MRPL33: variants seen among roughly 807,000 people sequenced by gnomAD.
MRPL33 encodes the protein large ribosomal subunit protein bL33m.
Under a neutral mutation model 10.1 loss-of-function variants are expected in MRPL33, and 5 were observed. The observed-to-expected ratio is 0.49, with a 90% CI of 0.26 to 1.04. The LOEUF (loss-of-function observed/expected upper bound fraction) is 1.04, where lower values mean the gene tolerates loss of function less well. MRPL33 is among the 50% of genes least tolerant of loss of function. The pLI, the probability that MRPL33 is intolerant of heterozygous loss-of-function variation, is 0.14. For missense variants in MRPL33, 79 were observed against 78.1 expected, an observed-to-expected ratio of 1.01 and a Z score of -0.04; for synonymous variants, 24 against 27.7, an observed-to-expected ratio of 0.87 and a Z score of 0.42.
In MRPL33 at chr2:27,774,478, C is replaced by G; in HGVS notation, c.96C>G (p.Thr32=). Residue 32 remains threonine, a synonymous_variant, in exon 3 of 4, where the codon ACC becomes ACG. Coordinates refer to ENST00000296102, the MANE Select transcript of MRPL33 (RefSeq NM_004891.4). ...SEAGTGFCFN[T]KRNRLREKLT... ...CTGGGACAGGTTTCTGCTTCAACAC[C>G]AAGAGAAACCGACTGCGGGAAAAAC... is the stretch of plus-strand genomic sequence containing the variant. 6.2e-7 allele frequency: 1 copy of G among 1,614,062 alleles called. No homozygotes were observed. Among genetic ancestry groups the G allele is most frequent in the Non-Finnish European group, 8.5e-7 (1 of 1,179,972 alleles).
chr2:27,776,590 C>T (rs1410760770), intron 3 of MRPL33, among the ~76,000 whole-genome samples: 8 of 152,174 alleles, frequency 5.3e-5, no homozygotes, highest in Non-Finnish European at 8.8e-5. Context: ...TGCTAATTTC[C>T]GAAGAGGAAG....
Position 27,771,818 on chromosome 2 carries a change from G to C in MRPL33, c.22+19G>C, listed in dbSNP as rs746153037. Reference sequence around the variant, plus strand: ...GTCTTCTGTAAGTGGGGCTGGAGACGCCGGTAGGGGTTACGGCGAGGGTTA... The same window carrying C: ...GTCTTCTGTAAGTGGGGCTGGAGACCCCGGTAGGGGTTACGGCGAGGGTTA... On this transcript the variant is annotated intron_variant, in intron 1 of 3. Transcript: ENST00000296102. The C allele has an allele frequency of 5.0e-6, 8 of 1,612,382 alleles. No homozygotes were observed. The African/African-American group carries it at 5.3e-5, about 11-fold the overall frequency.
rs753237890 is a variant in MRPL33, at chr2:27,771,775, A to C, written c.-3A>C. ...TGACGGAGACTGCCCAGGTGTGGTC[A>C]CCATGTTCCTCTCCGCGGTCTTCTG... On this transcript the variant is annotated 5_prime_UTR_variant, in exon 1 of 4. Transcript: ENST00000296102. 14 of 1,614,018 alleles carry C rather than the reference A, an allele frequency of 8.7e-6. No homozygotes were observed. The highest frequency in any genetic ancestry group is 1.2e-5 in the Non-Finnish European group (14 of 1,179,992).
At chr2:27,773,922 G>T (rs1244570483) in intron 2 of MRPL33, among the ~76,000 whole-genome samples, 1 of 152,246 alleles carries the variant, frequency 6.6e-6, no homozygotes, top group African/African-American at 2.4e-5. Context: ...TGCTTTGGAT[G>T]AGTGGAACTT....
At position 27,779,533 on chromosome 2, in the gene MRPL33, G is replaced by C. The variant is rs551605816; in HGVS notation, c.*51G>C. 1.9e-6 allele frequency: 3 copies of C among 1,611,906 alleles called. No individual in the cohort carries two copies. The highest frequency in any genetic ancestry group is 2.5e-6 in the Non-Finnish European group (3 of 1,179,390). ...TTATAAAGAGAAGACTGAGGGCGGG[G>C]ATACTGATTCAGAAATCCTGTAGCG... is the stretch of plus-strand genomic sequence containing the variant. On this transcript the variant is annotated 3_prime_UTR_variant, in exon 4 of 4. Transcript: ENST00000296102.
intron 2 of MRPL33, among the ~76,000 whole-genome samples, chr2:27,773,213 T>C (rs886201828): frequency 5.3e-5 from 8 of 152,248 alleles, no homozygotes; most frequent in African/African-American, 1.9e-4. Context: ...CTACCAAACT[T>C]GTATTTCAAA....
At chr2:27,772,103 A>C in intron 1 of MRPL33, 1 of 401,850 alleles carries the variant, frequency 2.5e-6, no homozygotes, top group African/African-American at 2.1e-5. Context: ...TGTCCGAAGG[A>C]CCTCAGAATT....
In MRPL33 at chr2:27,779,652, C is replaced by T; in HGVS notation, c.*170C>T. On this transcript the variant is annotated 3_prime_UTR_variant, in exon 4 of 4. Transcript: ENST00000296102. ...AACAATGCAGTGAAAGAAAGTTCTT[C>T]ATATTAGGACAGATATCATTGCATC... 7.8e-7 allele frequency: 1 copy of T among 1,286,730 alleles called. No homozygotes were observed. Among genetic ancestry groups the T allele is most frequent in the Non-Finnish European group, 1.1e-6 (1 of 940,538 alleles). 79.7% of individuals were successfully genotyped at this position (1,286,730 alleles called of 1,614,324 possible). A position where few individuals can be genotyped will look rare whatever the true frequency, so the allele number is the denominator to read the frequency against.
In MRPL33 at chr2:27,773,497, C is replaced by G. The variant is rs1030724614; in HGVS notation, c.41+805C>G. ...GTTTCTGTAGAGGTATATTCTGACT[C>G]TCGTTCTTTCTACCCTTGTGACATA... On this transcript the variant is annotated intron_variant, in intron 2 of 3. Transcript: ENST00000296102. Among the ~76,000 whole-genome samples, 3 of 152,212 alleles carry G rather than the reference C, an allele frequency of 2.0e-5. No individual in the cohort carries two copies. The South Asian group carries it at 6.2e-4, about 32-fold the overall frequency.
In MRPL33 at chr2:27,774,509, C is replaced by A. The variant is rs745588490; in HGVS notation, c.127C>A (p.Leu43Ile). ...AAACCGACTGCGGGAAAAACTGACT[C>A]TTTTGCATTATGATCCAGTTGGTAA... ...KRNRLREKLT[L>I]LHYDPVVKQR... The change falls in exon 3 of 4, where the codon CTT becomes ATT. Residue 43 changes from leucine to isoleucine, a missense_variant. Leu to Ile is a conservative substitution (Grantham distance 5, BLOSUM62 2). Coordinates refer to ENST00000296102, the MANE Select transcript of MRPL33 (RefSeq NM_004891.4). 6.2e-7 allele frequency: 1 copy of A among 1,614,122 alleles called. No homozygotes were observed. Among genetic ancestry groups the A allele is most frequent in the East Asian group, 2.2e-5 (1 of 44,882 alleles).
chr2:27,777,921 G>A (rs948500539), intron 3 of MRPL33, among the ~76,000 whole-genome samples: 28 of 152,158 alleles, frequency 1.8e-4, no homozygotes, highest in African/African-American at 6.7e-4. Flanking sequence ...ATTTCTTGTC[G>A]TAATATAGAT....
intron 1 of MRPL33, chr2:27,772,091 T>C (rs1241949626): frequency 2.1e-5 from 9 of 423,934 alleles, no homozygotes; most frequent in Admixed American, 7.9e-5. Flanking sequence ...TAGGAGAATC[T>C]TTGTCCGAAG....
In MRPL33 at chr2:27,771,731, T is replaced by C. The variant is rs144178561; in HGVS notation, c.-47T>C. ...GTGCCCCGGAAGCAGTTGTTGTTGG[T>C]TGGGGGCCTTTTGGCCGGTGACGGA... is the stretch of plus-strand genomic sequence containing the variant. On this transcript the variant is annotated 5_prime_UTR_variant, in exon 1 of 4. Transcript: ENST00000296102. 18 of 1,612,986 alleles carry C rather than the reference T, an allele frequency of 1.1e-5. No homozygotes were observed. The Admixed American group carries it at 3.0e-4, about 27-fold the overall frequency.
At chr2:27,779,302 G>A in intron 3 of MRPL33, 131 bp from the exon 4 acceptor site, 2 of 1,159,372 alleles carry the variant, frequency 1.7e-6, no homozygotes, top group Non-Finnish European at 2.4e-6. Context: ...TTGCAAATCA[G>A]CTCCATCTTC....
chr2:27,775,174 A>G (rs1677126260), intron 3 of MRPL33, among the ~76,000 whole-genome samples: 1 of 152,154 alleles, frequency 6.6e-6, no homozygotes, highest in Non-Finnish European at 1.5e-5. Flanking sequence ...TCTAGAAGAG[A>G]CAAGTGTTCC....
intron 3 of MRPL33, among the ~76,000 whole-genome samples, chr2:27,774,843 C>CAATTTTATGGCTAA (rs1230499241): frequency 1.3e-5 from 2 of 151,992 alleles, no homozygotes; most frequent in Non-Finnish European, 2.9e-5. Flanking sequence ...GGGAAAGTCA[C>CAATTTTATGGCTAA]ATTAGATGGC....
intron 1 of MRPL33, 164 bp downstream of exon 1, chr2:27,771,963 G>A: frequency 4.0e-6 from 3 of 753,514 alleles, no homozygotes; most frequent in Non-Finnish European, 6.3e-6. Context: ...ATGCCCCGCG[G>A]CGCGCCTCCC....
At chr2:27,773,943 T>C (rs750285299) in intron 2 of MRPL33, among the ~76,000 whole-genome samples, 2 of 152,220 alleles carry the variant, frequency 1.3e-5, no homozygotes, top group Admixed American at 6.5e-5. Flanking sequence ...AAATGAAATA[T>C]GAAGGGGCAC....
At chr2:27,772,523 A>T in intron 1 of MRPL33, 151 bp from the exon 2 acceptor site, 1 of 608,980 alleles carries the variant, frequency 1.6e-6, no homozygotes. Context: ...TCCCTAATAG[A>T]TAGGGAATAG....
Sources: allele counts gnomAD v4.1 joint callset (sites outside exome capture counted in the v4.1 genomes callset), GRCh38; gene constraint gnomAD v4.1.1; transcripts MANE v1.5; gene names NCBI Gene and HGNC (gene_info 2026-07-23, HGNC 2026-07-21).